The following GRIK1 variants were observed in gnomAD, a reference collection of about 807,000 sequenced individuals.
The protein encoded by GRIK1 is glutamate receptor ionotropic, kainate 1.
GRIK1 carries 69 observed loss-of-function variants against 105.7 expected under a neutral mutation model. The observed-to-expected ratio is 0.65, with a 90% CI of 0.54 to 0.80. The LOEUF (loss-of-function observed/expected upper bound fraction) is 0.80, where lower values mean the gene tolerates loss of function less well. GRIK1 is among the 30% of genes least tolerant of loss of function. The pLI is 0.00. For missense variants in GRIK1, 1,109 were observed against 1,167.3 expected (o/e 0.95, Z 0.73); for synonymous variants, 438 against 431.3 (o/e 1.02, Z -0.19).
At chr21:29,650,578 G>T (rs1049474860) in intron 6 of GRIK1, among the ~76,000 whole-genome samples, 4 of 152,208 alleles carry the variant, frequency 2.6e-5, no homozygotes, top group Admixed American at 1.3e-4. Context: ...CAGGAGGCAG[G>T]TCTGGCATCT....
At chr21:29,855,022 C>T (rs1393141872) in intron 1 of GRIK1, among the ~76,000 whole-genome samples, 1 of 152,170 alleles carries the variant, frequency 6.6e-6, no homozygotes, top group Non-Finnish European at 1.5e-5. Context: ...AGAACTAAGT[C>T]ACTTTTGCAA....
At chr21:29,779,613 A>G (rs1222266215) in intron 1 of GRIK1, among the ~76,000 whole-genome samples, 1 of 152,058 alleles carries the variant, frequency 6.6e-6, no homozygotes, top group Admixed American at 6.6e-5. Context: ...TAAGTAATAA[A>G]CTATATAAGG....
chr21:29,639,035 G>T (rs964396072), intron 7 of GRIK1, among the ~76,000 whole-genome samples: 17 of 152,280 alleles, frequency 1.1e-4, no homozygotes, highest in African/African-American at 4.1e-4. Context: ...AGTTAAATAG[G>T]TTGGTCTTTC....
At chr21:29,647,562 G>C (rs1349434407) in intron 6 of GRIK1, among the ~76,000 whole-genome samples, 2 of 152,162 alleles carry the variant, frequency 1.3e-5, no homozygotes, top group Non-Finnish European at 2.9e-5. Context: ...TGGATATGAA[G>C]AACTGGAAAG....
intron 1 of GRIK1, among the ~76,000 whole-genome samples, chr21:29,885,175 T>A (rs1029913659): frequency 6.6e-6 from 1 of 152,042 alleles, no homozygotes; most frequent in African/African-American, 2.4e-5. Context: ...AATCAGGGTA[T>A]TTATTGTGTT....
chr21:29,731,421 C>G (rs2064623520), intron 1 of GRIK1, among the ~76,000 whole-genome samples: 1 of 152,124 alleles, frequency 6.6e-6, no homozygotes, highest in African/African-American at 2.4e-5. Flanking sequence ...TTTGATTATG[C>G]TTTGTCTTCA....
intron 1 of GRIK1, among the ~76,000 whole-genome samples, chr21:29,821,530 A>G (rs1277453222): frequency 1.3e-5 from 2 of 152,006 alleles, no homozygotes; most frequent in African/African-American, 4.8e-5. Context: ...CTTTTTACTG[A>G]GGTTCACAAT....
At chr21:29,851,989 T>C (rs568786220) in intron 1 of GRIK1, among the ~76,000 whole-genome samples, 1 of 152,324 alleles carries the variant, frequency 6.6e-6, no homozygotes, top group Non-Finnish European at 1.5e-5. Flanking sequence ...CCATCTTTGA[T>C]CCTTCTCCCT....
chr21:29,742,549 C>G (rs115162139), intron 1 of GRIK1, among the ~76,000 whole-genome samples: 1 of 152,194 alleles, frequency 6.6e-6, no homozygotes, highest in Non-Finnish European at 1.5e-5. Context: ...AACCTCACTG[C>G]GTGGTTCAGT....
At chr21:29,938,848 GAA>G (rs66799775) in intron 1 of GRIK1, among the ~76,000 whole-genome samples, 103,531 of 151,596 alleles carry the variant, frequency 0.68, 35,561 homozygotes, top group East Asian at 0.83. Flanking sequence ...CCATGTGGAA[GAA>G]TCCAACTTAG....
intron 1 of GRIK1, among the ~76,000 whole-genome samples, chr21:29,923,232 C>G (rs1360744453): frequency 6.6e-6 from 1 of 152,144 alleles, no homozygotes; most frequent in African/African-American, 2.4e-5. Flanking sequence ...TCTTTTTTCA[C>G]TTCTGCATAT....
At chr21:29,775,967 G>T (rs2065933829) in intron 1 of GRIK1, among the ~76,000 whole-genome samples, 2 of 152,212 alleles carry the variant, frequency 1.3e-5, no homozygotes, top group Non-Finnish European at 2.9e-5. Flanking sequence ...GTTCAGCATG[G>T]CTGGAGAGGC....
intron 13 of GRIK1, among the ~76,000 whole-genome samples, chr21:29,577,434 C>A (rs140575567): frequency 2.0e-3 from 305 of 152,268 alleles, no homozygotes; most frequent in African/African-American, 7.1e-3. Flanking sequence ...TGGAGGCATT[C>A]CATGTCTAAA....
chr21:29,706,557 A>G (rs2063912601), intron 1 of GRIK1, among the ~76,000 whole-genome samples: 2 of 152,250 alleles, frequency 1.3e-5, no homozygotes, highest in East Asian at 3.8e-4. Flanking sequence ...CTGCATTGAC[A>G]TGAATAATGA....
At chr21:29,861,651 C>G in intron 1 of GRIK1, 1 of 453,308 alleles carries the variant, frequency 2.2e-6, no homozygotes, top group Non-Finnish European at 4.4e-6. Context: ...TCCTAACTTG[C>G]TGAGAATCTT....
In GRIK1 at chr21:29,708,551, C is replaced by CA. The variant is rs1239425368; in HGVS notation, c.119-14489dup. Among the ~76,000 whole-genome samples, 8 of 152,296 alleles carry CA rather than the reference C, an allele frequency of 5.3e-5. No homozygotes were observed. The South Asian group carries it at 1.5e-3, about 28-fold the overall frequency. The stretch of plus-strand genomic sequence containing the variant: ...GAATACATGCGTGGATTGTACCTAA[C>CA]ATGGGGTTGGTTGGGGCTGTGTGAC... On this transcript the variant is annotated intron_variant, in intron 1 of 17. Transcript: ENST00000327783.
At chr21:29,857,122 C>A (rs142047658) in intron 1 of GRIK1, among the ~76,000 whole-genome samples, 2 of 152,242 alleles carry the variant, frequency 1.3e-5, no homozygotes, top group Non-Finnish European at 2.9e-5. Context: ...GTTTCAGTTT[C>A]AAATGTAAAA....
chr21:29,645,663 TACCACTGATTTTCCTCCCCCTTTCAG>T lies in GRIK1; in HGVS notation c.955-2720_955-2695del, dbSNP rs1388717849. Among the ~76,000 whole-genome samples the T allele has an allele frequency of 2.5e-4, 38 of 152,330 alleles. 2 individuals carry two copies. Among genetic ancestry groups the T allele is most frequent in the African/African-American group, 8.4e-4 (35 of 41,584 alleles). The stretch of plus-strand genomic sequence containing the variant: ...TAACTATATTATAGCACTAATAAAC[TACCACTGATTTTCCTCCCCCTTTCAG>T]TTTTGTGCTCGAGGCCTGCTTACTG... On this transcript the variant is annotated intron_variant, in intron 6 of 17. Coordinates refer to ENST00000327783, the MANE Select transcript of GRIK1 (RefSeq NM_001330994.2).
chr21:29,915,314 C>A (rs1376092880), intron 1 of GRIK1, among the ~76,000 whole-genome samples: 1 of 151,948 alleles, frequency 6.6e-6, no homozygotes, highest in Non-Finnish European at 1.5e-5. Context: ...TCCAACCAGA[C>A]CTTGTAAGCA....
Sources: gnomAD v4.1 joint callset for allele counts (sites outside exome capture counted in the v4.1 genomes callset) on GRCh38, gnomAD v4.1.1 for gene constraint, MANE v1.5 for transcripts, NCBI Gene and HGNC (gene_info 2026-07-23, HGNC 2026-07-21) for gene names.